The following PPP2R5C variants were observed in gnomAD, a reference collection of about 807,000 sequenced individuals.
The protein encoded by PPP2R5C is protein phosphatase 2 regulatory subunit B'gamma.
In PPP2R5C, 7 loss-of-function variants were observed where a neutral mutation model predicts 68.9. That is an observed-to-expected ratio of 0.10 (90% CI 0.06 to 0.19). The LOEUF (loss-of-function observed/expected upper bound fraction) is 0.19, where lower values mean the gene tolerates loss of function less well. Ranked by LOEUF, PPP2R5C falls within the 10% of genes least tolerant of loss-of-function variation. The pLI is 1.00. For missense variants in PPP2R5C, 348 were observed against 641.3 expected (o/e 0.54, Z 4.94); for synonymous variants, 210 against 222.2 (o/e 0.95, Z 0.49).
intron 1 of PPP2R5C, chr14:101,833,562 G>GC (rs1254538695): frequency 6.6e-6 from 1 of 152,036 alleles, no homozygotes; most frequent in Non-Finnish European, 1.5e-5. Context: ...TCATTGTCTG[G>GC]CCCCAAAGAC....
rs918017395 is a variant in PPP2R5C at position 101,814,857 on chromosome 14, T to G, written c.94+4821T>G. Among the ~76,000 whole-genome samples, 9 of 152,202 alleles carry G rather than the reference T, an allele frequency of 5.9e-5. 1 individual carries two copies. Among genetic ancestry groups the G allele is most frequent in the Non-Finnish European group, 1.3e-4 (9 of 68,038 alleles). On this transcript the variant is annotated intron_variant, in intron 1 of 13. Coordinates refer to ENST00000334743, the Ensembl canonical transcript of PPP2R5C. The stretch of plus-strand genomic sequence containing the variant: ...CTTTGCCAATTGTGACAAGCTGTTG[T>G]GAACACTCATGTACTTCTTCCTCAC...
intron 3 of PPP2R5C, chr14:101,796,663 C>T (rs919358048): frequency 1.9e-5 from 3 of 157,428 alleles, no homozygotes; most frequent in African/African-American, 7.2e-5. Context: ...CCAGGGTACC[C>T]CCTCTCCATG....
In PPP2R5C at chr14:101,856,810, A is replaced by G. The variant is rs1005209968; in HGVS notation, c.219A>G (p.Leu73=). The change falls in exon 2 of 14, where the codon TTA becomes TTG. Residue 73 remains leucine (L), a synonymous_variant. Coordinates refer to ENST00000334743, the Ensembl canonical transcript of PPP2R5C. ...GGAAGGAAGTAAAACGAGCTGCTTTAAGTGAAATGGTAGAATATATCACCC... is the reference window on the plus strand; with the variant it reads ...GGAAGGAAGTAAAACGAGCTGCTTTGAGTGAAATGGTAGAATATATCACCC... 2 of 1,614,066 alleles carry G rather than the reference A, an allele frequency of 1.2e-6. No homozygotes were observed. Among genetic ancestry groups the G allele is most frequent in the African/African-American group, 2.7e-5 (2 of 74,942 alleles).
intron 9 of PPP2R5C, among the ~76,000 whole-genome samples, chr14:101,903,934 A>C (rs1377501959): frequency 6.6e-6 from 1 of 152,084 alleles, no homozygotes; most frequent in Non-Finnish European, 1.5e-5. Context: ...TCGGCCTCCC[A>C]AAGTGCTGAG....
chr14:101,885,451 T>TC (rs1390963318), intron 5 of PPP2R5C, among the ~76,000 whole-genome samples: 5 of 138,844 alleles, frequency 3.6e-5, no homozygotes, highest in Admixed American at 7.3e-5. Context: ...ACCCTGCCTT[T>TC]CCCTCTGCAG....
intron 3 of PPP2R5C, among the ~76,000 whole-genome samples, chr14:101,793,408 C>T (rs759372327): frequency 1.3e-5 from 2 of 152,234 alleles, no homozygotes; most frequent in Admixed American, 6.5e-5. Context: ...GACCACTTCA[C>T]GGGCAGGAAC....
chr14:101,922,871 T>C (rs2047089680), intron 13 of PPP2R5C, among the ~76,000 whole-genome samples: 1 of 152,220 alleles, frequency 6.6e-6, no homozygotes, highest in Non-Finnish European at 1.5e-5. Context: ...ATGTTGATTA[T>C]TTCTATCTGA....
rs1420017506 is a variant in PPP2R5C at position 101,882,782 on chromosome 14, C to T, written c.406-475C>T. ...CGCTGTCCCACCCAGCATGTCTGCA[C>T]AGGGAAAGAATTGTCCCAGCTCCAG... On this transcript the variant is annotated intron_variant, in intron 3 of 13. Coordinates refer to ENST00000334743, the Ensembl canonical transcript of PPP2R5C. This position sits in a 1 kb window ranked among gnomAD's most constrained non-coding sequence, Gnocchi z 4.9. 6.1e-6 allele frequency: 1 copy of T among 163,922 alleles called. No homozygotes were observed. The highest frequency in any genetic ancestry group is 1.3e-5 in the Non-Finnish European group (1 of 76,228). 10.2% of individuals were successfully genotyped at this position (163,922 alleles called of 1,614,324 possible). A position where few individuals can be genotyped will look rare whatever the true frequency, so the allele number is the denominator to read the frequency against.
intron 1 of PPP2R5C, among the ~76,000 whole-genome samples, chr14:101,849,541 A>C (rs1164972491): frequency 1.4e-5 from 2 of 146,602 alleles, no homozygotes; most frequent in Non-Finnish European, 3.0e-5. Flanking sequence ...TTTCTTACTG[A>C]GTTATTGGAC....
At chr14:101,845,990 C>G (rs956429640) in intron 1 of PPP2R5C, among the ~76,000 whole-genome samples, 1 of 152,146 alleles carries the variant, frequency 6.6e-6, no homozygotes, top group Non-Finnish European at 1.5e-5. Flanking sequence ...TCATTTTGCC[C>G]GAAATCCACC....
At chr14:101,837,672 T>C (rs2041201002) in intron 1 of PPP2R5C, among the ~76,000 whole-genome samples, 1 of 152,192 alleles carries the variant, frequency 6.6e-6, no homozygotes, top group African/African-American at 2.4e-5. Context: ...GTGGGCTTTG[T>C]TGGAAGCTTT....
chr14:101,812,094 C>T (rs983555142), intron 1 of PPP2R5C, among the ~76,000 whole-genome samples: 21 of 152,302 alleles, frequency 1.4e-4, no homozygotes, highest in Admixed American at 9.1e-4. Context: ...TTGATTTACT[C>T]ATAAAGACTT....
chr14:101,918,584 T>C (rs1233156250), intron 13 of PPP2R5C, among the ~76,000 whole-genome samples: 91 of 1,384 alleles, frequency 0.066, 12 homozygotes, highest in South Asian at 0.25. Context: ...CTTCTCCCCT[T>C]GCCCCCCTCA....
chr14:101,872,518 G>A (rs530404342), intron 2 of PPP2R5C, among the ~76,000 whole-genome samples: 2 of 152,280 alleles, frequency 1.3e-5, no homozygotes, highest in Admixed American at 6.5e-5. Flanking sequence ...GAGTACAGGG[G>A]TGAGCCTGGT....
chr14:101,829,679 T>A (rs1273721141), intron 1 of PPP2R5C, among the ~76,000 whole-genome samples: 1 of 152,162 alleles, frequency 6.6e-6, no homozygotes, highest in Non-Finnish European at 1.5e-5. Flanking sequence ...GTGTGTTTGG[T>A]CGGTGTTTAG....
rs1055786951 is a variant in PPP2R5C, at chr14:101,877,027, C to G, written c.295-5134C>G. ...GCAGTGGTGCAATCTCGGTTCACTGCAACTTCCACCTCCCAGATTCAAGTG... is the reference window on the plus strand; with the variant it reads ...GCAGTGGTGCAATCTCGGTTCACTGGAACTTCCACCTCCCAGATTCAAGTG... On this transcript the variant is annotated intron_variant, in intron 2 of 13. Transcript: ENST00000334743. The surrounding 1 kb of genome is among the most constrained non-coding windows in gnomAD (Gnocchi z 4.2). 7.1e-6 allele frequency among the ~76,000 whole-genome samples: 1 copy of G among 141,560 alleles called. No individual in the cohort carries two copies. Among genetic ancestry groups the G allele is most frequent in the Admixed American group, 7.5e-5 (1 of 13,256 alleles). 92.9% of individuals were successfully genotyped at this position (141,560 alleles called of 152,430 possible).
chr14:101,828,251 G>A (rs2140315930), intron 1 of PPP2R5C, among the ~76,000 whole-genome samples: 1 of 152,268 alleles, frequency 6.6e-6, no homozygotes, highest in East Asian at 1.9e-4. Context: ...GAGGGAGGAA[G>A]GGGGAGTAGT....
intron 13 of PPP2R5C, chr14:101,922,130 A>C: frequency 1.0e-6 from 1 of 985,438 alleles, no homozygotes; most frequent in Non-Finnish European, 1.2e-6. Flanking sequence ...TAACGTGGAC[A>C]TGAAGTATTT....
At chr14:101,905,116 G>T (rs1293511868) in intron 9 of PPP2R5C, among the ~76,000 whole-genome samples, 2 of 152,242 alleles carry the variant, frequency 1.3e-5, no homozygotes. Flanking sequence ...CACTTTGGGA[G>T]GCCAAGGCGG....
Sources: allele counts gnomAD v4.1 joint callset (sites outside exome capture counted in the v4.1 genomes callset), GRCh38; gene constraint gnomAD v4.1.1; non-coding constraint Gnocchi (gnomAD v3.1); transcripts MANE v1.5; gene names NCBI Gene and HGNC (gene_info 2026-07-23, HGNC 2026-07-21).